Variants in RPS6KB1 observed in about 807,000 individuals in gnomAD.
The protein encoded by RPS6KB1 is ribosomal protein S6 kinase beta-1.
A neutral mutation model predicts 70.2 loss-of-function variants in RPS6KB1; 12 were observed. That is an observed-to-expected ratio of 0.17 (90% CI 0.11 to 0.28). The LOEUF is 0.28. RPS6KB1 is among the 10% of genes least tolerant of loss of function. The pLI is 1.00. For synonymous variants in RPS6KB1, 175 were observed against 211.2 expected (o/e 0.83, Z 1.49); for missense variants, 270 against 646.6 (o/e 0.42, Z 6.32).
At chr17:59,907,602 A>G (rs1363292906) in intron 1 of RPS6KB1, among the ~76,000 whole-genome samples, 6 of 151,594 alleles carry the variant, frequency 4.0e-5, no homozygotes, top group East Asian at 3.9e-4. Context: ...TAGTGGCACA[A>G]TCACTGCCAC....
chr17:59,921,414 C>T (rs989839332), intron 4 of RPS6KB1, among the ~76,000 whole-genome samples: 2 of 152,144 alleles, frequency 1.3e-5, no homozygotes, highest in African/African-American at 4.8e-5. Flanking sequence ...TCAGGGCTTT[C>T]ATTTCTAAAT....
At chr17:59,921,347 C>A (rs1373349233) in intron 4 of RPS6KB1, among the ~76,000 whole-genome samples, 2 of 152,044 alleles carry the variant, frequency 1.3e-5, no homozygotes, top group Admixed American at 1.3e-4. Context: ...CTTCCTTGTC[C>A]TTGAAAGCAA....
intron 4 of RPS6KB1, among the ~76,000 whole-genome samples, chr17:59,918,013 A>G (rs1002279615): frequency 1.2e-4 from 18 of 151,900 alleles, no homozygotes; most frequent in African/African-American, 4.4e-4. Context: ...GGCTCACCGC[A>G]ACCTCCGCCT....
intron 4 of RPS6KB1, among the ~76,000 whole-genome samples, chr17:59,918,397 TCTCA>T (rs2043082154): frequency 6.6e-6 from 1 of 151,734 alleles, no homozygotes; most frequent in Admixed American, 6.6e-5. Flanking sequence ...GAGACAAGAG[TCTCA>T]CTCTGTCGTG....
rs2042756983 is a variant in RPS6KB1, at chr17:59,913,347, T to C, written c.312+543T>C. On this transcript the variant is annotated intron_variant, in intron 3 of 14. Transcript: ENST00000225577. ...AACTTTTTACCAAACTATTCTCTTATCAAAATAATTTAGATAATAACTTGG... is the reference window on the plus strand; with the variant it reads ...AACTTTTTACCAAACTATTCTCTTACCAAAATAATTTAGATAATAACTTGG... Among the ~76,000 whole-genome samples, 3 of 152,262 alleles carry C rather than the reference T, an allele frequency of 2.0e-5. No individual in the cohort carries two copies. In the South Asian group the frequency reaches 6.2e-4, roughly 31 times the overall value.
intron 13 of RPS6KB1, among the ~76,000 whole-genome samples, chr17:59,944,791 CTTT>C (rs3066277): frequency 7.4e-6 from 1 of 134,480 alleles, no homozygotes; most frequent in Non-Finnish European, 1.6e-5. Context: ...TATTTAACAT[CTTT>C]TTTTTTTTTT....
Position 59,946,796 on chromosome 17 carries a change from A to G in RPS6KB1, c.*8A>G. On this transcript the variant is annotated 3_prime_UTR_variant, in exon 15 of 15. Coordinates refer to ENST00000225577, the MANE Select transcript of RPS6KB1 (RefSeq NM_003161.4). This position sits in a 1 kb window ranked among gnomAD's most constrained non-coding sequence, Gnocchi z 4.2. ...CTGCGTATGAATCTATGACAGAGCA[A>G]TGCTTTTAATGAATTTAAGGCAAAA... 2 of 1,612,666 alleles carry G rather than the reference A, an allele frequency of 1.2e-6. No homozygotes were observed. The highest frequency in any genetic ancestry group is 1.7e-6 in the Non-Finnish European group (2 of 1,178,688).
At chr17:59,898,220 A>C (rs896099177) in intron 1 of RPS6KB1, among the ~76,000 whole-genome samples, 1 of 152,124 alleles carries the variant, frequency 6.6e-6, no homozygotes, top group Middle Eastern at 3.2e-3. Flanking sequence ...CAATTTAAAA[A>C]ATTCTCACTT....
chr17:59,943,620 T>C (rs1208737403), intron 13 of RPS6KB1, among the ~76,000 whole-genome samples: 1 of 152,094 alleles, frequency 6.6e-6, no homozygotes, highest in Non-Finnish European at 1.5e-5. Flanking sequence ...GGCTCACGCC[T>C]GTAATCCCAG....
intron 12 of RPS6KB1, among the ~76,000 whole-genome samples, chr17:59,937,362 G>A (rs1364865553): frequency 6.6e-6 from 1 of 152,164 alleles, no homozygotes; most frequent in African/African-American, 2.4e-5. Flanking sequence ...TATAGAATAT[G>A]TGTGCATTCG....
At chr17:59,922,820 A>G (rs2043354409) in intron 4 of RPS6KB1, among the ~76,000 whole-genome samples, 1 of 151,174 alleles carries the variant, frequency 6.6e-6, no homozygotes, top group South Asian at 2.1e-4. Context: ...CCAGGATTAC[A>G]GACGTGAGCC....
chr17:59,929,474 TC>T (rs772537925), intron 5 of RPS6KB1, among the ~76,000 whole-genome samples: 3 of 152,264 alleles, frequency 2.0e-5, no homozygotes, highest in Admixed American at 6.5e-5. Flanking sequence ...TTTTTCTTAT[TC>T]CGTCACGTCT....
intron 1 of RPS6KB1, among the ~76,000 whole-genome samples, chr17:59,900,217 CACACACACACACA>C (rs1568377320): frequency 5.9e-5 from 8 of 136,544 alleles, no homozygotes; most frequent in African/African-American, 2.4e-4. Flanking sequence ...CACACACACA[CACACACACACACA>C]CCCCTATGTG....
At chr17:59,937,361 T>A (rs796667202) in intron 12 of RPS6KB1, among the ~76,000 whole-genome samples, 2 of 152,226 alleles carry the variant, frequency 1.3e-5, no homozygotes, top group African/African-American at 4.8e-5. Flanking sequence ...GTATAGAATA[T>A]GTGTGCATTC....
chr17:59,916,298 G>T (rs1035122566), intron 4 of RPS6KB1, among the ~76,000 whole-genome samples: 7 of 151,578 alleles, frequency 4.6e-5, no homozygotes, highest in African/African-American at 1.5e-4. Flanking sequence ...ATGCGGTTTC[G>T]CCATATTGGC....
chr17:59,940,708 C>T, intron 12 of RPS6KB1, 128 bp from the exon 13 acceptor site: 2 of 472,330 alleles, frequency 4.2e-6, no homozygotes, highest in African/African-American at 2.0e-5. Flanking sequence ...CATTCTGTGC[C>T]TGCTAAGACT....
chr17:59,937,539 G>T (rs968494560), intron 12 of RPS6KB1, among the ~76,000 whole-genome samples: 5 of 152,156 alleles, frequency 3.3e-5, no homozygotes, highest in African/African-American at 1.2e-4. Context: ...CTGGCTTCTG[G>T]TGGTTTGCTG....
At chr17:59,928,271 T>C (rs2043737778) in intron 5 of RPS6KB1, among the ~76,000 whole-genome samples, 1 of 152,222 alleles carries the variant, frequency 6.6e-6, no homozygotes, top group African/African-American at 2.4e-5. Context: ...TGTATATATG[T>C]GTATACATAT....
At chr17:59,923,785 G>A (rs58331881) in intron 4 of RPS6KB1, among the ~76,000 whole-genome samples, 7,601 of 152,082 alleles carry the variant, frequency 0.05, 594 homozygotes, top group African/African-American at 0.17. Flanking sequence ...TGGAATTACA[G>A]GTGTTAGCCA....
Sources: allele counts gnomAD v4.1 joint callset (sites outside exome capture counted in the v4.1 genomes callset), GRCh38; gene constraint gnomAD v4.1.1; non-coding constraint Gnocchi (gnomAD v3.1); transcripts MANE v1.5; gene names NCBI Gene and HGNC (gene_info 2026-07-23, HGNC 2026-07-21).